The following DNHD1 variants were observed in gnomAD, a reference collection of about 807,000 sequenced individuals.
DNHD1 encodes dynein heavy chain domain 1, also known as dynein heavy chain domain-containing protein 1.
DNHD1 carries 383 observed loss-of-function variants against 458.1 expected under a neutral mutation model. The ratio of observed to expected loss-of-function variants is 0.84; its 90% CI spans 0.77 to 0.91. The LOEUF (loss-of-function observed/expected upper bound fraction) is 0.91, where lower values mean the gene tolerates loss of function less well. DNHD1 is among the 40% of genes least tolerant of loss of function. DNHD1 has a pLI of 0.00. For synonymous variants in DNHD1, 2,203 were observed against 2,376.9 expected (o/e 0.93, Z 2.13); for missense variants, 5,336 against 5,866.1 (o/e 0.91, Z 2.95).
chr11:6,566,874 C>A lies in DNHD1; in HGVS notation c.11386-21C>A, dbSNP rs7130918. On this transcript the variant is annotated intron_variant, in intron 35 of 42. Coordinates refer to ENST00000254579, the MANE Select transcript of DNHD1 (RefSeq NM_144666.3). ...GTCTGTGGGAAAGGGCCAGATCCAT[C>A]CAACAAATGAGTGTATGCAGGAGCG... The A allele has an allele frequency of 1.8e-3, 2,928 of 1,606,504 alleles. 39 individuals carry two copies. The African/African-American group carries it at 0.03, about 17-fold the overall frequency.
At chr11:6,536,673 C>G (rs1852957843) in intron 14 of DNHD1, among the ~76,000 whole-genome samples, 1 of 152,080 alleles carries the variant, frequency 6.6e-6, no homozygotes, top group Non-Finnish European at 1.5e-5. Context: ...AACTCATTTT[C>G]AGATAAAAAG....
rs1852763373 is a variant in DNHD1, at chr11:6,528,590, G to A, written c.1906G>A (p.Ala636Thr). 3 of 1,551,640 alleles carry A rather than the reference G, an allele frequency of 1.9e-6. No homozygotes were observed. Among genetic ancestry groups the A allele is most frequent in the African/African-American group, 2.7e-5 (2 of 73,068 alleles). The change falls in exon 11 of 43, where the codon GCT (alanine) becomes ACT (threonine). Residue 636 changes from alanine (A) to threonine (T), a missense_variant. This residue lies in a region of DNHD1 where 3,932 missense variants were observed against 4,365.6 expected (regional missense o/e 0.90). Coordinates refer to ENST00000254579, the MANE Select transcript of DNHD1 (RefSeq NM_144666.3). ...CAAGTTCCAGGGCCAGCCCAGCGAT[G>A]CTGTGAGCATCTTCTGTGGCCCGAA... Reference protein sequence around the residue: ...MPKFQGQPSDAVSIFCGPNVG... With the variant: ...MPKFQGQPSDTVSIFCGPNVG...
At chr11:6,559,422 G>A (rs145497764) in intron 28 of DNHD1, 139 bp downstream of exon 28, 164 of 721,196 alleles carry the variant, frequency 2.3e-4, no homozygotes, top group African/African-American at 2.2e-3. Flanking sequence ...TCTGATCTCC[G>A]CTGCCTCCTC....
At chr11:6,540,184 GC>G (rs1437186124) in intron 18 of DNHD1, 101 bp downstream of exon 18, 3 of 1,057,340 alleles carry the variant, frequency 2.8e-6, no homozygotes, top group African/African-American at 3.2e-5. Flanking sequence ...TCTAGCCAGG[GC>G]CCCATCCTTA....
chr11:6,568,146 G>A lies in DNHD1; in HGVS notation c.12442G>A (p.Glu4148Lys), dbSNP rs1853753676. 6.4e-7 allele frequency: 1 copy of A among 1,558,764 alleles called. No individual in the cohort carries two copies. Among genetic ancestry groups the A allele is most frequent in the African/African-American group, 1.4e-5 (1 of 73,400 alleles). Reference sequence around the variant, plus strand: ...CAGCACTCTATCCCAGGCTATGTATGAGGGGCACTGGCTGGTGCTGGACAA... The same window carrying A: ...CAGCACTCTATCCCAGGCTATGTATAAGGGGCACTGGCTGGTGCTGGACAA... ...VVSTLSQAMY[E>K]GHWLVLDNCH... is the part of the protein sequence containing the mutation. Residue 4148 changes from glutamate to lysine, a missense_variant, in exon 37 of 43, where the codon GAG becomes AAG. By Grantham distance (56) the Glu-to-Lys change is moderately conservative (BLOSUM62 1). Coordinates refer to ENST00000254579, the MANE Select transcript of DNHD1 (RefSeq NM_144666.3).
chr11:6,528,745 TA>T lies in DNHD1; in HGVS notation c.2063del (p.Lys688ArgfsTer6). On this transcript the variant is annotated frameshift_variant, in exon 11 of 43. Transcript: ENST00000254579. LOFTEE classifies it high-confidence loss of function. ...TGGAGGAAGACCTGGACAACAACCC[TA>T]AGATCCAGCAGGCACTGAATATACA... ...QLEEDLDNNP[K>X]IQQALNIQQV... 6.4e-7 allele frequency: 1 copy of T among 1,551,664 alleles called. No homozygotes were observed. The highest frequency in any genetic ancestry group is 8.7e-7 in the Non-Finnish European group (1 of 1,146,992).
At position 6,566,666 on chromosome 11, in the gene DNHD1, G is replaced by A; in HGVS notation, c.11286G>A (p.Leu3762=). 1 of 1,613,562 alleles carries A rather than the reference G, an allele frequency of 6.2e-7. No homozygotes were observed. The highest frequency in any genetic ancestry group is 1.1e-5 in the South Asian group (1 of 90,898). ...TGGAAATACTGGAAGAACAGATGCT[G>A]CATGAAATCTTGTGCAGAGAGTATC... ...LNMEILEEQM[L]HEILCREYPE... is the part of the protein sequence containing the mutation. The change falls in exon 35 of 43, where the codon CTG becomes CTA. Residue 3762 remains leucine, a synonymous_variant. Coordinates refer to ENST00000254579, the MANE Select transcript of DNHD1 (RefSeq NM_144666.3).
chr11:6,511,519 C>A, intron 7 of DNHD1, 90 bp downstream of exon 7: 1 of 1,517,070 alleles, frequency 6.6e-7, no homozygotes, highest in Non-Finnish European at 8.9e-7. Context: ...CTCCTGGAAT[C>A]CACTGTATGA....
rs773417733 is a variant in DNHD1 at position 6,544,173 on chromosome 11, G to A, written c.3681G>A (p.Lys1227=). 1 of 1,551,482 alleles carries A rather than the reference G, an allele frequency of 6.4e-7. No individual in the cohort carries two copies. The highest frequency in any genetic ancestry group is 1.4e-5 in the African/African-American group (1 of 73,006). ...SIQESLQVLS[K]ILAIEKSGDL... The stretch of plus-strand genomic sequence containing the variant: ...AGGAAAGTCTTCAGGTGTTGTCCAA[G>A]ATCTTGGCCATCGAAAAGTCAGGAG... Residue 1227 remains lysine, a synonymous_variant, in exon 19 of 43, where the codon AAG becomes AAA. Coordinates refer to ENST00000254579, the MANE Select transcript of DNHD1 (RefSeq NM_144666.3).
Position 6,534,192 on chromosome 11 carries a change from C to A in DNHD1, c.2998+19C>A. 6.5e-7 allele frequency: 1 copy of A among 1,547,842 alleles called. No homozygotes were observed. Among genetic ancestry groups the A allele is most frequent in the Non-Finnish European group, 8.7e-7 (1 of 1,145,920 alleles). The stretch of plus-strand genomic sequence containing the variant: ...TTCACTGGTACTGAGGATCCCTGCA[C>A]CCTCCATTATCACTCTGTGATAGAC... On this transcript the variant is annotated intron_variant, in intron 14 of 42. Coordinates refer to ENST00000254579, the MANE Select transcript of DNHD1 (RefSeq NM_144666.3).
In DNHD1 at chr11:6,534,086, G is replaced by C; in HGVS notation, c.2911G>C (p.Glu971Gln). ...MDPTQDQRST[E>Q]HQLVSLERQF... ...CCCCACACAAGATCAGAGGAGTACT[G>C]AGCACCAGCTCGTCTCCCTAGAGCG... is the stretch of plus-strand genomic sequence containing the variant. Residue 971 changes from glutamate to glutamine, a missense_variant, in exon 14 of 43, where the codon GAG (glutamate) becomes CAG (glutamine). Glu to Gln is a conservative substitution (Grantham distance 29, BLOSUM62 2). Transcript: ENST00000254579. 6.4e-7 allele frequency: 1 copy of C among 1,551,526 alleles called. No homozygotes were observed. The highest frequency in any genetic ancestry group is 1.2e-5 in the South Asian group (1 of 84,044).
rs1312396535 is a variant in DNHD1 at position 6,556,856 on chromosome 11, C to T, written c.7561C>T (p.Leu2521Phe). ...CCCACTGTGTCCACGCCTCTTTCGA[C>T]TCTTCACAGTCCTGGCCCTGGAAAG... ...ERPLCPRLFR[L>F]FTVLALESMT... Residue 2521 changes from leucine to phenylalanine, a missense_variant, in exon 25 of 43, where the codon CTC (leucine) becomes TTC (phenylalanine). By Grantham distance (22) the Leu-to-Phe change is conservative (BLOSUM62 0). This residue lies in a region of DNHD1 where 3,932 missense variants were observed against 4,365.6 expected (regional missense o/e 0.90). Transcript: ENST00000254579. 1.9e-6 allele frequency: 3 copies of T among 1,551,724 alleles called. No individual in the cohort carries two copies. The highest frequency in any genetic ancestry group is 1.7e-6 in the Non-Finnish European group (2 of 1,147,002).
Position 6,534,172 on chromosome 11 carries a change from T to A in DNHD1, c.2997T>A (p.Thr999=). ...TGCACCACGCCTATGCCATCTTCAC[T>A]GGTACTGAGGATCCCTGCACCCTCC... The part of the protein sequence containing the change: ...SELHHAYAIF[T]EDETPVPLPI... Residue 999 remains threonine (T), a splice_region_variant and synonymous_variant, in exon 14 of 43, where the codon ACT becomes ACA. Coordinates refer to ENST00000254579, the MANE Select transcript of DNHD1 (RefSeq NM_144666.3). The A allele has an allele frequency of 6.4e-7, 1 of 1,550,686 alleles. No homozygotes were observed. Among genetic ancestry groups the A allele is most frequent in the Non-Finnish European group, 8.7e-7 (1 of 1,146,846 alleles).
At position 6,568,821 on chromosome 11, in the gene DNHD1, A is replaced by G. The variant is rs1264133615; in HGVS notation, c.12818A>G (p.His4273Arg). ...PLLLLHGLLLHRQLYGTRLQA... is the reference protein window; with the variant it reads ...PLLLLHGLLLRRQLYGTRLQA... ...CTCCTCCTCCATGGCCTCCTGCTAC[A>G]CCGGCAGCTCTATGGAACAAGGCTG... Residue 4273 changes from histidine (H) to arginine (R), a missense_variant, in exon 39 of 43, where the codon CAC becomes CGC. His to Arg is a conservative substitution (Grantham distance 29). Transcript: ENST00000254579. 1 of 1,612,922 alleles carries G rather than the reference A, an allele frequency of 6.2e-7. No individual in the cohort carries two copies. Among genetic ancestry groups the G allele is most frequent in the Non-Finnish European group, 8.5e-7 (1 of 1,179,558 alleles).
In DNHD1 at chr11:6,557,148, A is replaced by G; in HGVS notation, c.7853A>G (p.Asn2618Ser). ...TGSRGFVDYP[N>S]HQEHLRRVSG... ...TCCCGAGGTTTTGTGGACTATCCCAACCACCAGGAGCACTTGCGCCGGGTG... is the reference window on the plus strand; with the variant it reads ...TCCCGAGGTTTTGTGGACTATCCCAGCCACCAGGAGCACTTGCGCCGGGTG... The change falls in exon 25 of 43, where the codon AAC (asparagine) becomes AGC (serine). Residue 2618 changes from asparagine (N) to serine (S), a missense_variant. Coordinates refer to ENST00000254579, the MANE Select transcript of DNHD1 (RefSeq NM_144666.3). 6.4e-7 allele frequency: 1 copy of G among 1,551,616 alleles called. No individual in the cohort carries two copies.
intron 39 of DNHD1, 117 bp downstream of exon 39, chr11:6,568,983 AG>A: frequency 8.0e-7 from 1 of 1,246,982 alleles, no homozygotes; most frequent in Non-Finnish European, 1.1e-6. Flanking sequence ...AGCAAGGGCA[AG>A]GGGAAGTCAA....
chr11:6,539,070 G>A, intron 16 of DNHD1, 149 bp from the exon 17 acceptor site: 1 of 670,226 alleles, frequency 1.5e-6, no homozygotes, highest in South Asian at 1.9e-5. Flanking sequence ...TAGACCTTGA[G>A]TTCTAAGCTG....
chr11:6,519,205 A>C lies in DNHD1; in HGVS notation c.1393-395A>C, dbSNP rs377484279. Reference sequence around the variant, plus strand: ...TTCTACTCAGCAGGCCACATCACCTAGCCTAATTATTATCCAGAGTCCATA... The same window carrying C: ...TTCTACTCAGCAGGCCACATCACCTCGCCTAATTATTATCCAGAGTCCATA... On this transcript the variant is annotated intron_variant, in intron 7 of 42. Coordinates refer to ENST00000254579, the MANE Select transcript of DNHD1 (RefSeq NM_144666.3). Among the ~76,000 whole-genome samples, 35 of 152,332 alleles carry C rather than the reference A, an allele frequency of 2.3e-4. 1 individual carries two copies. In the East Asian group the frequency reaches 2.3e-3, roughly 10 times the overall value.
In DNHD1 at chr11:6,567,753, A is replaced by G; in HGVS notation, c.12244A>G (p.Ser4082Gly). The G allele has an allele frequency of 1.2e-6, 2 of 1,613,946 alleles. No homozygotes were observed. The highest frequency in any genetic ancestry group is 1.7e-6 in the Non-Finnish European group (2 of 1,179,890). The change falls in exon 36 of 43, where the codon AGT becomes GGT. Residue 4082 changes from serine to glycine, a missense_variant. This residue lies in a region of DNHD1 where 695 missense variants were observed against 804.2 expected (regional missense o/e 0.86). Coordinates refer to ENST00000254579, the MANE Select transcript of DNHD1 (RefSeq NM_144666.3). Reference protein sequence around the residue: ...TYAPTMPFKHSQATQPMLILL... With the variant: ...TYAPTMPFKHGQATQPMLILL... ...TGCTCCCACCATGCCCTTTAAACAT[A>G]GTCAGGCTACTCAGCCCATGCTGAT...
Sources: allele counts gnomAD v4.1 joint callset (sites outside exome capture counted in the v4.1 genomes callset), GRCh38; gene constraint gnomAD v4.1.1; regional missense constraint gnomAD v4.1.1; transcripts MANE v1.5; gene names NCBI Gene and HGNC (gene_info 2026-07-23, HGNC 2026-07-21).